The following CNTN6 variants were observed in gnomAD, a reference collection of about 807,000 sequenced individuals.
CNTN6 encodes the protein contactin-6.
A neutral mutation model predicts 122.8 loss-of-function variants in CNTN6; 137 were observed. The ratio of observed to expected loss-of-function variants is 1.12; its 90% CI spans 0.97 to 1.29. The LOEUF is 1.29. Ranked by LOEUF, CNTN6 falls within the 50% of genes most tolerant of loss-of-function variation. CNTN6 has a pLI of 0.00. For synonymous variants in CNTN6, 570 were observed against 426.0 expected, an observed-to-expected ratio of 1.34 and a Z score of -4.16; for missense variants, 1,634 against 1,223.4, an observed-to-expected ratio of 1.34 and a Z score of -5.01.
intron 11 of CNTN6, among the ~76,000 whole-genome samples, chr3:1,347,471 A>G (rs1196237334): frequency 1.3e-5 from 2 of 152,136 alleles, no homozygotes; most frequent in African/African-American, 4.8e-5. Context: ...AGGAGGAAAC[A>G]TACCAACACC....
chr3:1,136,871 G>A (rs1331226844), intron 1 of CNTN6, among the ~76,000 whole-genome samples: 2 of 152,098 alleles, frequency 1.3e-5, no homozygotes, highest in African/African-American at 4.8e-5. Flanking sequence ...GTTCCTCCCA[G>A]TTTCAGTCTC....
chr3:1,304,775 C>T (rs908876852), intron 7 of CNTN6, among the ~76,000 whole-genome samples: 23 of 151,866 alleles, frequency 1.5e-4, no homozygotes, highest in South Asian at 2.1e-4. Context: ...GGGTGGATCA[C>T]GAGGTCAGGA....
intron 16 of CNTN6, 136 bp downstream of exon 16, chr3:1,374,209 C>G (rs1709538571): frequency 5.0e-6 from 4 of 798,344 alleles, no homozygotes; most frequent in Middle Eastern, 7.1e-4. Flanking sequence ...CTCTCATTTT[C>G]TTTTATTTTT....
At chr3:1,239,791 C>T (rs2094460668) in intron 4 of CNTN6, among the ~76,000 whole-genome samples, 1 of 152,142 alleles carries the variant, frequency 6.6e-6, no homozygotes, top group Non-Finnish European at 1.5e-5. Context: ...AGGCCATAGT[C>T]ACCAAAGCAA....
chr3:1,238,678 C>G (rs570820994), intron 4 of CNTN6, among the ~76,000 whole-genome samples: 18 of 152,128 alleles, frequency 1.2e-4, no homozygotes, highest in Non-Finnish European at 2.2e-4. Context: ...CCAACATAGA[C>G]CATACGATAG....
intron 4 of CNTN6, among the ~76,000 whole-genome samples, chr3:1,277,847 G>T (rs2125787672): frequency 6.6e-6 from 1 of 152,274 alleles, no homozygotes; most frequent in South Asian, 2.1e-4. Flanking sequence ...CTGAATTTCT[G>T]TGATTCTGTT....
At chr3:1,244,807 G>T (rs937048352) in intron 4 of CNTN6, among the ~76,000 whole-genome samples, 2 of 151,884 alleles carry the variant, frequency 1.3e-5, no homozygotes, top group African/African-American at 4.8e-5. Flanking sequence ...TTGTTCTCTG[G>T]TGGGCAGGGG....
chr3:1,397,264 A>G (rs1374166073), intron 20 of CNTN6, among the ~76,000 whole-genome samples: 1 of 152,182 alleles, frequency 6.6e-6, no homozygotes, highest in Non-Finnish European at 1.5e-5. Context: ...TATGAAAAGA[A>G]CAGTGAAGAA....
intron 4 of CNTN6, among the ~76,000 whole-genome samples, chr3:1,275,683 A>ACAG (rs1692213722): frequency 6.6e-6 from 1 of 152,082 alleles, no homozygotes; most frequent in African/African-American, 2.4e-5. Flanking sequence ...GTGATGGGAG[A>ACAG]CAGTGACAGA....
intron 2 of CNTN6, among the ~76,000 whole-genome samples, chr3:1,188,010 C>T (rs978046423): frequency 3.3e-5 from 5 of 152,142 alleles, no homozygotes; most frequent in Non-Finnish European, 7.4e-5. Context: ...TCTGCACACC[C>T]GCTACCCCTG....
intron 1 of CNTN6, among the ~76,000 whole-genome samples, chr3:1,119,769 G>T (rs1055934788): frequency 6.6e-5 from 10 of 151,800 alleles, no homozygotes; most frequent in African/African-American, 2.2e-4. Flanking sequence ...ACATTTTATG[G>T]GTCCAGTTAA....
chr3:1,114,901 C>T (rs903328077), intron 1 of CNTN6, among the ~76,000 whole-genome samples: 1 of 152,114 alleles, frequency 6.6e-6, no homozygotes, highest in Non-Finnish European at 1.5e-5. Flanking sequence ...GCAGACTCCC[C>T]TAGAAGGCTC....
At chr3:1,271,626 C>T (rs372202167) in intron 4 of CNTN6, among the ~76,000 whole-genome samples, 18 of 151,966 alleles carry the variant, frequency 1.2e-4, no homozygotes, top group South Asian at 4.2e-4. Flanking sequence ...GGAGATAAAT[C>T]GAGAAATATA....
chr3:1,402,613 C>T, intron 22 of CNTN6, 127 bp downstream of exon 22: 1 of 779,776 alleles, frequency 1.3e-6, no homozygotes, highest in Middle Eastern at 3.1e-4. Flanking sequence ...CAATTGTGAG[C>T]AAAAGGTGAT....
intron 12 of CNTN6, among the ~76,000 whole-genome samples, chr3:1,370,665 A>G (rs1180415849): frequency 1.3e-5 from 2 of 152,066 alleles, no homozygotes; most frequent in African/African-American, 4.8e-5. Flanking sequence ...CCTGGCCAAC[A>G]TGGTGAAACT....
At chr3:1,216,326 G>A (rs1178254310) in intron 2 of CNTN6, among the ~76,000 whole-genome samples, 1 of 152,148 alleles carries the variant, frequency 6.6e-6, no homozygotes, top group Non-Finnish European at 1.5e-5. Flanking sequence ...AGGGTGTGAG[G>A]ACGACATTAG....
Position 1,321,671 on chromosome 3 carries a change from G to A in CNTN6, c.783G>A (p.Trp261Ter), listed in dbSNP as rs754130076. Residue 261 changes from tryptophan (W) to a stop codon, truncating the protein, a stop_gained, in exon 8 of 23, where the codon TGG (tryptophan) becomes TGA (stop). Transcript: ENST00000446702. LOFTEE classifies it high-confidence loss of function. Reference sequence around the variant, plus strand: ...TTAGTCCAGTCCCCGATATTAGTTGGAGAAGGTTGGACGGGAGCCCGTTGC... The same window carrying A: ...TTAGTCCAGTCCCCGATATTAGTTGAAGAAGGTTGGACGGGAGCCCGTTGC... ...ALGNPVPDIS[W>*]RRLDGSPLPG... 3.7e-6 allele frequency: 6 copies of A among 1,611,130 alleles called. No homozygotes were observed. Among genetic ancestry groups the A allele is most frequent in the Non-Finnish European group, 5.1e-6 (6 of 1,178,284 alleles).
chr3:1,316,844 C>T (rs1259036289), intron 7 of CNTN6, among the ~76,000 whole-genome samples: 2 of 151,948 alleles, frequency 1.3e-5, no homozygotes, highest in Non-Finnish European at 2.9e-5. Flanking sequence ...TTCCCACCCA[C>T]TGTCCATTTA....
intron 1 of CNTN6, among the ~76,000 whole-genome samples, chr3:1,143,638 A>T (rs905627641): frequency 6.6e-6 from 1 of 152,216 alleles, no homozygotes; most frequent in Non-Finnish European, 1.5e-5. Flanking sequence ...TCATTGAGCC[A>T]GAGTATTCTC....
Sources: gnomAD v4.1 joint callset for allele counts (sites outside exome capture counted in the v4.1 genomes callset) on GRCh38, gnomAD v4.1.1 for gene constraint, MANE v1.5 for transcripts, NCBI Gene and HGNC (gene_info 2026-07-23, HGNC 2026-07-21) for gene names.